Variants in MACROD2 observed in about 807,000 individuals in gnomAD.
MACROD2 encodes the protein ADP-ribose glycohydrolase MACROD2.
A neutral mutation model predicts 70.4 loss-of-function variants in MACROD2; 36 were observed. The observed-to-expected ratio is 0.51, with a 90% CI of 0.39 to 0.68. The LOEUF (loss-of-function observed/expected upper bound fraction) is 0.68. Ranked by LOEUF, MACROD2 falls within the 30% of genes least tolerant of loss-of-function variation. The pLI, the probability that MACROD2 is intolerant of heterozygous loss-of-function variation, is 0.00. For missense variants in MACROD2, 496 were observed against 538.4 expected, an observed-to-expected ratio of 0.92 and a Z score of 0.78; for synonymous variants, 172 against 178.8, an observed-to-expected ratio of 0.96 and a Z score of 0.30.
chr20:14,760,081 G>T (rs1299626303), intron 5 of MACROD2, among the ~76,000 whole-genome samples: 1 of 152,042 alleles, frequency 6.6e-6, no homozygotes, highest in Non-Finnish European at 1.5e-5. Context: ...CTCTAAATGA[G>T]CCATAAACTG....
chr20:15,567,241 T>TTTATGAA (rs1352564364), intron 8 of MACROD2, among the ~76,000 whole-genome samples: 2 of 152,322 alleles, frequency 1.3e-5, no homozygotes, highest in African/African-American at 4.8e-5. Flanking sequence ...ACTTTATTAT[T>TTTATGAA]TTATGAATTA....
At chr20:15,306,118 A>G (rs990313580) in intron 6 of MACROD2, among the ~76,000 whole-genome samples, 1 of 152,172 alleles carries the variant, frequency 6.6e-6, no homozygotes, top group Admixed American at 6.5e-5. Flanking sequence ...TTTAATGATC[A>G]GTTTTCTTGA....
intron 3 of MACROD2, among the ~76,000 whole-genome samples, chr20:14,466,808 C>G (rs1023217497): frequency 6.6e-6 from 1 of 152,090 alleles, no homozygotes; most frequent in Non-Finnish European, 1.5e-5. Flanking sequence ...ACTCCAGACC[C>G]TGTTTTCCTG....
intron 5 of MACROD2, among the ~76,000 whole-genome samples, chr20:14,851,719 T>C (rs2073201355): frequency 6.6e-6 from 1 of 152,110 alleles, no homozygotes; most frequent in Admixed American, 6.5e-5. Context: ...CATGTAAGTA[T>C]AAATAAATAA....
chr20:15,874,149 A>G (rs1014235355), intron 9 of MACROD2, among the ~76,000 whole-genome samples: 5 of 140,678 alleles, frequency 3.6e-5, no homozygotes, highest in African/African-American at 1.3e-4. Context: ...CCCATTTATG[A>G]GTGAGAACAT....
chr20:15,457,987 A>G (rs755388852), intron 7 of MACROD2, among the ~76,000 whole-genome samples: 8 of 151,694 alleles, frequency 5.3e-5, no homozygotes, highest in Non-Finnish European at 1.0e-4. Context: ...AAGTCTAAGT[A>G]CCTAGGGCCG....
intron 8 of MACROD2, among the ~76,000 whole-genome samples, chr20:15,581,288 C>G (rs1435701484): frequency 6.6e-6 from 1 of 152,174 alleles, no homozygotes; most frequent in East Asian, 1.9e-4. Context: ...GATGTGTTCC[C>G]AACTCCATCA....
chr20:14,696,178 AGATAGATC>A (rs2071123873), intron 5 of MACROD2, among the ~76,000 whole-genome samples: 2 of 152,082 alleles, frequency 1.3e-5, no homozygotes, highest in Non-Finnish European at 2.9e-5. Flanking sequence ...TTAGATAGAT[AGATAGATC>A]GATAGATAGA....
chr20:14,660,782 A>G (rs1463351444), intron 4 of MACROD2, among the ~76,000 whole-genome samples: 1 of 152,058 alleles, frequency 6.6e-6, no homozygotes, highest in Admixed American at 6.6e-5. Context: ...GCTCCCACTT[A>G]TAAGTGAGAA....
chr20:15,987,344 G>A (rs529144054), intron 15 of MACROD2, among the ~76,000 whole-genome samples, 186 bp downstream of exon 15: 17 of 152,114 alleles, frequency 1.1e-4, no homozygotes, highest in East Asian at 3.9e-4. Context: ...GAAAATACTC[G>A]GAAGACTTAT....
intron 5 of MACROD2, among the ~76,000 whole-genome samples, chr20:14,932,004 A>T (rs1291425099): frequency 3.7e-5 from 1 of 27,276 alleles, no homozygotes; most frequent in East Asian, 1.3e-3. Context: ...CCTGTTTCTT[A>T]AAAAAAAAAA....
intron 5 of MACROD2, among the ~76,000 whole-genome samples, chr20:15,008,131 T>G (rs1316846414): frequency 6.6e-6 from 1 of 152,176 alleles, no homozygotes; most frequent in Non-Finnish European, 1.5e-5. Context: ...AAAATAAAAC[T>G]TTTGATATGT....
intron 4 of MACROD2, among the ~76,000 whole-genome samples, chr20:14,515,465 G>GCGCGCGCGCGCGCA (rs1369248292): frequency 1.1e-4 from 14 of 127,170 alleles, no homozygotes; most frequent in African/African-American, 4.4e-4. Context: ...ACACACACAC[G>GCGCGCGCGCGCGCA]CACACACACA....
At chr20:14,997,702 C>A (rs2074961778) in intron 5 of MACROD2, among the ~76,000 whole-genome samples, 2 of 152,144 alleles carry the variant, frequency 1.3e-5, no homozygotes, top group African/African-American at 4.8e-5. Flanking sequence ...AAGACAGAAG[C>A]CTGGCTGGAT....
intron 6 of MACROD2, among the ~76,000 whole-genome samples, chr20:15,363,374 C>G (rs114530826): frequency 6.6e-6 from 1 of 152,148 alleles, no homozygotes; most frequent in Non-Finnish European, 1.5e-5. Flanking sequence ...AGTATAATCA[C>G]GTAAACCTAT....
intron 3 of MACROD2, among the ~76,000 whole-genome samples, chr20:14,488,500 G>A (rs1167716160): frequency 6.6e-6 from 1 of 152,096 alleles, no homozygotes; most frequent in South Asian, 2.1e-4. Context: ...ATTAAGTTAG[G>A]CAATCTTGGG....
At chr20:14,488,540 G>A (rs897087609) in intron 3 of MACROD2, among the ~76,000 whole-genome samples, 3 of 152,144 alleles carry the variant, frequency 2.0e-5, no homozygotes, top group African/African-American at 7.2e-5. Flanking sequence ...CTCCATGCAT[G>A]TTGTTTTCTA....
At chr20:14,380,161 T>C (rs1215785013) in intron 3 of MACROD2, among the ~76,000 whole-genome samples, 2 of 152,136 alleles carry the variant, frequency 1.3e-5, no homozygotes, top group Non-Finnish European at 2.9e-5. Flanking sequence ...TATGAAGTGA[T>C]ATCTCATTGT....
chr20:14,426,691 G>C (rs2083936862), intron 3 of MACROD2, among the ~76,000 whole-genome samples: 1 of 152,122 alleles, frequency 6.6e-6, no homozygotes, highest in Non-Finnish European at 1.5e-5. Context: ...TACTTAGGCA[G>C]ATCAGATATC....
Sources: gnomAD v4.1 joint callset for allele counts (sites outside exome capture counted in the v4.1 genomes callset) on GRCh38, gnomAD v4.1.1 for gene constraint, MANE v1.5 for transcripts, NCBI Gene and HGNC (gene_info 2026-07-23, HGNC 2026-07-21) for gene names.